Variants in SLC5A11 observed in about 807,000 individuals in gnomAD.
SLC5A11 encodes sodium/myo-inositol cotransporter 2.
SLC5A11 carries 48 observed loss-of-function variants against 69.8 expected under a neutral mutation model. That is an observed-to-expected ratio of 0.69 (90% confidence interval 0.55 to 0.87). The LOEUF (loss-of-function observed/expected upper bound fraction) is 0.87, where lower values mean the gene tolerates loss of function less well. Ranked by LOEUF, SLC5A11 falls within the 40% of genes least tolerant of loss-of-function variation. SLC5A11 has a pLI of 0.00. For synonymous variants in SLC5A11, 319 were observed against 342.4 expected (o/e 0.93, Z 0.75); for missense variants, 784 against 866.1 (o/e 0.91, Z 1.19).
chr16:24,898,057 G>T, exon 10 of SLC5A11: 1 of 1,614,162 alleles, frequency 6.2e-7, no homozygotes, highest in Non-Finnish European at 8.5e-7. Context: ...TGAAGGTGCT[G>T]CCCCTCTTCA....
chr16:24,862,677 G>A lies in SLC5A11; in HGVS notation c.207+5G>A. The A allele has an allele frequency of 6.2e-7, 1 of 1,612,746 alleles. No homozygotes were observed. The highest frequency in any genetic ancestry group is 1.3e-5 in the African/African-American group (1 of 74,900). ...GGGGACATGGTGTGGTGGCCAGTAAGTGGTCTTTGGTTCAATTAAAGTCAC... is the reference window on the plus strand; with the variant it reads ...GGGGACATGGTGTGGTGGCCAGTAAATGGTCTTTGGTTCAATTAAAGTCAC... On this transcript the variant is annotated splice_donor_5th_base_variant and intron_variant, in intron 3 of 15. Coordinates refer to ENST00000347898, the Ensembl canonical transcript of SLC5A11.
intron 1 of SLC5A11, among the ~76,000 whole-genome samples, chr16:24,853,470 G>T (rs1192798213): frequency 6.6e-6 from 1 of 152,140 alleles, no homozygotes; most frequent in African/African-American, 2.4e-5. Flanking sequence ...CACACAGCTG[G>T]TGACTAATAA....
intron 7 of SLC5A11, among the ~76,000 whole-genome samples, chr16:24,883,579 G>T (rs2048186346): frequency 6.6e-6 from 1 of 152,218 alleles, no homozygotes; most frequent in Non-Finnish European, 1.5e-5. Context: ...GCGAATTATA[G>T]TTCGGTGTTA....
chr16:24,883,108 T>C (rs1303766414), intron 7 of SLC5A11, among the ~76,000 whole-genome samples: 1 of 152,194 alleles, frequency 6.6e-6, no homozygotes, highest in Non-Finnish European at 1.5e-5. Flanking sequence ...CTTACACCCG[T>C]AATCCCAGCA....
chr16:24,898,800 A>G (rs956967587), intron 10 of SLC5A11, among the ~76,000 whole-genome samples: 3 of 151,942 alleles, frequency 2.0e-5, no homozygotes, highest in African/African-American at 4.8e-5. Context: ...TTACAGGCGT[A>G]AGCCACCATG....
At chr16:24,908,036 C>T in exon 13 of SLC5A11, 1 of 1,613,788 alleles carries the variant, frequency 6.2e-7, no homozygotes, top group Non-Finnish European at 8.5e-7. Context: ...GGGCGGCCAG[C>T]TCTTCATCTA....
chr16:24,858,549 A>C, intron 1 of SLC5A11, 71 bp from the exon 3 acceptor site: 31 of 1,375,538 alleles, frequency 2.3e-5, no homozygotes, highest in Non-Finnish European at 2.9e-5. Flanking sequence ...TGGCCTAGGG[A>C]GGTAGCTACA....
At chr16:24,864,243 T>A (rs1054001886) in intron 3 of SLC5A11, among the ~76,000 whole-genome samples, 1 of 152,162 alleles carries the variant, frequency 6.6e-6, no homozygotes, top group Non-Finnish European at 1.5e-5. Flanking sequence ...CTGGCTGACC[T>A]TGGGGCTCTG....
At chr16:24,872,313 C>T in intron 5 of SLC5A11, 94 bp downstream of exon 6, 3 of 1,421,392 alleles carry the variant, frequency 2.1e-6, no homozygotes, top group Non-Finnish European at 3.0e-6. Context: ...TCCCTCCCTC[C>T]TGCCCATGGT....
intron 4 of SLC5A11, among the ~76,000 whole-genome samples, chr16:24,870,844 A>T (rs1287141389): frequency 6.6e-6 from 1 of 150,844 alleles, no homozygotes; most frequent in African/African-American, 2.4e-5. Flanking sequence ...TGTCCTAGAG[A>T]TGCAGAAGAA....
At chr16:24,848,599 A>G (rs938886213) in intron 1 of SLC5A11, among the ~76,000 whole-genome samples, 8 of 152,176 alleles carry the variant, frequency 5.3e-5, no homozygotes, top group Admixed American at 2.0e-4. Flanking sequence ...AACAGAGTGA[A>G]ACCCTGTCTC....
chr16:24,864,591 CA>C (rs1026148312), intron 3 of SLC5A11, among the ~76,000 whole-genome samples: 2 of 151,680 alleles, frequency 1.3e-5, no homozygotes, highest in South Asian at 4.2e-4. Context: ...ATAAGGCATG[CA>C]AAAAAACCCA....
rs553807414 is a variant in SLC5A11 at position 24,892,333 on chromosome 16, G to A, written c.870+1259G>A. On this transcript the variant is annotated intron_variant, in intron 9 of 15. Transcript: ENST00000347898. ...GAGCTTCCTGTGATTTTTGGAGGAAGAGTTTGCAGCAGAAGGAACACCCAG... is the reference window on the plus strand; with the variant it reads ...GAGCTTCCTGTGATTTTTGGAGGAAAAGTTTGCAGCAGAAGGAACACCCAG... 2.0e-5 allele frequency among the ~76,000 whole-genome samples: 3 copies of A among 151,774 alleles called. No homozygotes were observed. In the South Asian group the frequency reaches 6.2e-4, roughly 32 times the overall value.
exon 15 of SLC5A11, chr16:24,910,307 T>C: frequency 6.2e-7 from 1 of 1,612,584 alleles, no homozygotes; most frequent in Middle Eastern, 1.7e-4. Flanking sequence ...GCTCCTTAGG[T>C]CAGCCACCTG....
In SLC5A11 at chr16:24,860,301, A is replaced by T. The variant is rs191593849; in HGVS notation, c.135+1523A>T. Reference sequence around the variant, plus strand: ...GATTCCATCTCAAAAAATATATATAAAAAAATTAGCCAGACGTGGTGGTGG... The same window carrying T: ...GATTCCATCTCAAAAAATATATATATAAAAATTAGCCAGACGTGGTGGTGG... On this transcript the variant is annotated intron_variant, in intron 2 of 15. Transcript: ENST00000347898. Among the ~76,000 whole-genome samples the T allele has an allele frequency of 8.7e-4, 132 of 152,082 alleles. 1 individual carries two copies. The highest frequency in any genetic ancestry group is 7.5e-3 in the Admixed American group (114 of 15,266).
intron 9 of SLC5A11, among the ~76,000 whole-genome samples, chr16:24,892,666 T>G (rs949699487): frequency 1.3e-5 from 2 of 152,222 alleles, no homozygotes; most frequent in East Asian, 1.9e-4. Flanking sequence ...TTCTGGTACA[T>G]GAAACATCAG....
chr16:24,898,560 C>G (rs944094054), intron 10 of SLC5A11, among the ~76,000 whole-genome samples: 3 of 148,884 alleles, frequency 2.0e-5, no homozygotes, highest in African/African-American at 7.5e-5. Context: ...GCACTGTCGC[C>G]CAGGCTGGAG....
chr16:24,903,660 G>A (rs577928235), intron 10 of SLC5A11, among the ~76,000 whole-genome samples: 29 of 151,992 alleles, frequency 1.9e-4, no homozygotes, highest in East Asian at 1.9e-4. Context: ...GTTCATCCAC[G>A]TTGCCATGAA....
At chr16:24,870,742 T>A (rs1323116404) in intron 4 of SLC5A11, among the ~76,000 whole-genome samples, 1 of 125,106 alleles carries the variant, frequency 8.0e-6, no homozygotes, top group East Asian at 2.4e-4. Context: ...ATTGTAACAC[T>A]GCACTTCAGC....
Sources: allele counts gnomAD v4.1 joint callset (sites outside exome capture counted in the v4.1 genomes callset), GRCh38; gene constraint gnomAD v4.1.1; transcripts MANE v1.5; gene names NCBI Gene and HGNC (gene_info 2026-07-23, HGNC 2026-07-21).